Variants in CDH12 observed in about 807,000 individuals in gnomAD.
CDH12 encodes the protein cadherin 12.
Under a neutral mutation model 74.1 loss-of-function variants are expected in CDH12, and 41 were observed. The observed-to-expected ratio is 0.55, with a 90% CI of 0.43 to 0.72. CDH12 has a LOEUF of 0.72. Among genes scored for constraint, CDH12 ranks in the 30% least tolerant of loss-of-function variants. CDH12 has a pLI of 0.00. For synonymous variants in CDH12, 399 were observed against 355.0 expected, an observed-to-expected ratio of 1.12 and a Z score of -1.39; for missense variants, 945 against 977.2, an observed-to-expected ratio of 0.97 and a Z score of 0.44.
intron 1 of CDH12, among the ~76,000 whole-genome samples, chr5:22,531,147 A>C (rs1248298916): frequency 1.3e-5 from 2 of 152,138 alleles, no homozygotes; most frequent in East Asian, 3.9e-4. Context: ...GCACCCCCAA[A>C]ATGGACCACA....
chr5:22,727,174 T>C (rs568729867), intron 1 of CDH12, among the ~76,000 whole-genome samples: 11 of 151,930 alleles, frequency 7.2e-5, no homozygotes, highest in African/African-American at 1.2e-4. Flanking sequence ...ACTTGCAATA[T>C]AGAAAAGCCA....
intron 1 of CDH12, among the ~76,000 whole-genome samples, chr5:22,566,681 C>T (rs940378573): frequency 6.6e-6 from 1 of 152,082 alleles, no homozygotes. Context: ...TGCTGGTTAG[C>T]GTCCGGAATT....
At position 22,244,512 on chromosome 5, in the gene CDH12, AAAAAAAAAAAAAAAAAAAAAAG is replaced by A. The variant is rs760291030; in HGVS notation, c.-332-31891_-332-31870del. Reference sequence around the variant, plus strand: ...TCTGCCTCAAAAAAAAAAAAAAAAAAAAAAAAAAAAAAAAAAAAAAAGAAGAAGAAGAAGAAGAAGAAGAAAG... The same window carrying A: ...TCTGCCTCAAAAAAAAAAAAAAAAAAAAGAAGAAGAAGAAGAAGAAGAAAG... On this transcript the variant is annotated intron_variant, in intron 3 of 14. Transcript: ENST00000382254. Among the ~76,000 whole-genome samples, 11 of 14,650 alleles carry A rather than the reference AAAAAAAAAAAAAAAAAAAAAAG, an allele frequency of 7.5e-4. 2 individuals are homozygous for A. The highest frequency in any genetic ancestry group is 7.2e-3 in the South Asian group (2 of 276). 9.6% of individuals were successfully genotyped at this position (14,650 alleles called of 152,430 possible).
intron 2 of CDH12, among the ~76,000 whole-genome samples, chr5:22,436,083 C>G (rs1354956644): frequency 2.6e-5 from 4 of 151,504 alleles, no homozygotes; most frequent in Non-Finnish European, 5.9e-5. Flanking sequence ...GAATACTATG[C>G]ATCCATAAAA....
chr5:22,313,659 A>G (rs1738485072), intron 3 of CDH12, among the ~76,000 whole-genome samples: 1 of 152,244 alleles, frequency 6.6e-6, no homozygotes. Context: ...TAAAAGGAAC[A>G]AAACAATATC....
At chr5:21,942,370 A>C (rs1755376120) in intron 6 of CDH12, among the ~76,000 whole-genome samples, 1 of 148,816 alleles carries the variant, frequency 6.7e-6, no homozygotes, top group Admixed American at 6.6e-5. Context: ...ACACACACAC[A>C]CACACACACA....
At chr5:22,127,740 A>C (rs1745965695) in intron 4 of CDH12, among the ~76,000 whole-genome samples, 1 of 152,222 alleles carries the variant, frequency 6.6e-6, no homozygotes, top group African/African-American at 2.4e-5. Context: ...ACAATTTAGA[A>C]GATTTGAGGT....
At chr5:22,449,844 A>T (rs746899087) in intron 2 of CDH12, among the ~76,000 whole-genome samples, 43 of 152,028 alleles carry the variant, frequency 2.8e-4, no homozygotes, top group Non-Finnish European at 6.0e-4. Flanking sequence ...AGAAGAGGTA[A>T]TGCTACCTGA....
At chr5:22,583,537 A>G (rs1740211034) in intron 1 of CDH12, among the ~76,000 whole-genome samples, 1 of 152,210 alleles carries the variant, frequency 6.6e-6, no homozygotes, top group Admixed American at 6.5e-5. Flanking sequence ...CTTTAATGGA[A>G]GGAAACCGTC....
At chr5:22,639,614 C>T (rs937721045) in intron 1 of CDH12, among the ~76,000 whole-genome samples, 1 of 151,948 alleles carries the variant, frequency 6.6e-6, no homozygotes, top group African/African-American at 2.4e-5. Flanking sequence ...TGCTAGTTTA[C>T]GAGACTTGGA....
intron 3 of CDH12, among the ~76,000 whole-genome samples, chr5:22,286,356 A>G (rs1737133322): frequency 6.6e-6 from 1 of 152,180 alleles, no homozygotes; most frequent in South Asian, 2.1e-4. Flanking sequence ...CATCTAGGAC[A>G]AGTCATCCAT....
At chr5:22,082,291 T>A (rs1165026830) in intron 4 of CDH12, among the ~76,000 whole-genome samples, 1 of 152,206 alleles carries the variant, frequency 6.6e-6, no homozygotes, top group African/African-American at 2.4e-5. Context: ...AAAGGAAGAC[T>A]TTATGGCTTC....
At chr5:22,060,593 T>G (rs979157367) in intron 5 of CDH12, among the ~76,000 whole-genome samples, 3 of 152,180 alleles carry the variant, frequency 2.0e-5, no homozygotes, top group Non-Finnish European at 1.5e-5. Flanking sequence ...CTGACATTAC[T>G]AAGTCACAGC....
intron 2 of CDH12, among the ~76,000 whole-genome samples, chr5:22,446,709 C>T (rs924658275): frequency 6.6e-5 from 10 of 151,908 alleles, no homozygotes; most frequent in Admixed American, 5.3e-4. Flanking sequence ...ATTGTCCAAT[C>T]GATTTATTTC....
intron 3 of CDH12, among the ~76,000 whole-genome samples, chr5:22,250,713 T>C (rs1366006786): frequency 6.6e-6 from 1 of 152,196 alleles, no homozygotes; most frequent in Non-Finnish European, 1.5e-5. Context: ...GGTAAATGTA[T>C]CACGTGGTTT....
chr5:22,381,801 T>C (rs189012838), intron 3 of CDH12, among the ~76,000 whole-genome samples: 3 of 150,444 alleles, frequency 2.0e-5, no homozygotes, highest in African/African-American at 4.9e-5. Flanking sequence ...TTTTCTCTAC[T>C]AACAGACACC....
At chr5:22,365,987 C>T (rs1431237871) in intron 3 of CDH12, among the ~76,000 whole-genome samples, 1 of 152,068 alleles carries the variant, frequency 6.6e-6, no homozygotes, top group African/African-American at 2.4e-5. Flanking sequence ...GAGACTGAGT[C>T]TAGCTTTGTC....
intron 1 of CDH12, among the ~76,000 whole-genome samples, chr5:22,668,962 G>A (rs978488059): frequency 6.6e-6 from 1 of 151,258 alleles, no homozygotes; most frequent in African/African-American, 2.4e-5. Flanking sequence ...TCAGGTTTAA[G>A]TTACCTCCAT....
chr5:22,140,367 T>C (rs1201380526), intron 4 of CDH12, among the ~76,000 whole-genome samples: 1 of 152,048 alleles, frequency 6.6e-6, no homozygotes, highest in African/African-American at 2.4e-5. Context: ...TTTGATTACA[T>C]AAGTAATGCC....
Sources: allele counts gnomAD v4.1 joint callset (sites outside exome capture counted in the v4.1 genomes callset), GRCh38; gene constraint gnomAD v4.1.1; transcripts MANE v1.5; gene names NCBI Gene and HGNC (gene_info 2026-07-23, HGNC 2026-07-21).